Variants in MINAR2 observed in about 807,000 individuals in gnomAD.
MINAR2 encodes membrane integral NOTCH2 associated receptor 2.
MINAR2 carries 21 observed loss-of-function variants against 16.1 expected under a neutral mutation model. The ratio of observed to expected loss-of-function variants is 1.31; its 90% CI spans 0.93 to 1.88. The LOEUF (loss-of-function observed/expected upper bound fraction) is 1.88, where lower values mean the gene tolerates loss of function less well. Ranked by LOEUF, MINAR2 falls within the 40% of genes most tolerant of loss-of-function variation. The pLI is 0.00. For synonymous variants in MINAR2, 86 were observed against 83.0 expected (o/e 1.04, Z -0.20); for missense variants, 259 against 229.8 (o/e 1.13, Z -0.82).
At chr5:129,757,433 G>A (rs1421723598) in intron 1 of MINAR2, among the ~76,000 whole-genome samples, 1 of 151,526 alleles carries the variant, frequency 6.6e-6, no homozygotes, top group African/African-American at 2.4e-5. Flanking sequence ...TATATTTTAG[G>A]CATTTCTGTT....
At position 129,748,111 on chromosome 5, in the gene MINAR2, C is replaced by T. The variant is rs1757938382; in HGVS notation, c.-80C>T. The T allele has an allele frequency of 1.5e-6, 2 of 1,345,322 alleles. No homozygotes were observed. The highest frequency in any genetic ancestry group is 4.3e-5 in the Admixed American group (2 of 46,762). The allele number at this position is 1,345,322 out of a possible 1,614,324, so 83.3% of individuals were successfully genotyped here. A position where few individuals can be genotyped will look rare whatever the true frequency, so the allele number is the denominator to read the frequency against. On this transcript the variant is annotated 5_prime_UTR_variant, in exon 1 of 3. Transcript: ENST00000564719. ...TTGGTTTCAGATGCAGTCAGAGCAT[C>T]CTCAGGCACATTAATAATGGAGGAG...
chr5:129,750,449 A>C (rs4574583), intron 1 of MINAR2, among the ~76,000 whole-genome samples: 26,560 of 152,108 alleles, frequency 0.17, 2,510 homozygotes, highest in East Asian at 0.3. Flanking sequence ...GGAATAAAGA[A>C]GTTAGAAACT....
At chr5:129,751,349 C>T (rs1464741781) in intron 1 of MINAR2, among the ~76,000 whole-genome samples, 1 of 152,114 alleles carries the variant, frequency 6.6e-6, no homozygotes, top group African/African-American at 2.4e-5. Context: ...TCTGGGATTA[C>T]AGGCACCCGC....
Sources: gnomAD v4.1 joint callset for allele counts (sites outside exome capture counted in the v4.1 genomes callset) on GRCh38, gnomAD v4.1.1 for gene constraint, MANE v1.5 for transcripts, NCBI Gene and HGNC (gene_info 2026-07-23, HGNC 2026-07-21) for gene names.